The following WSCD2 variants were observed in gnomAD, a reference collection of about 807,000 sequenced individuals.
WSCD2 encodes the protein WSC domain sialate O sulfotransferase 2.
A neutral mutation model predicts 55.7 loss-of-function variants in WSCD2; 28 were observed. The observed-to-expected ratio is 0.50, with a 90% confidence interval of 0.37 to 0.69. The LOEUF (loss-of-function observed/expected upper bound fraction) is 0.69. WSCD2 is among the 30% of genes least tolerant of loss of function. The probability of loss-of-function intolerance (pLI) is 0.00; values close to 1 mark genes in which losing one functional copy is unlikely to be tolerated. For synonymous variants in WSCD2, 301 were observed against 301.9 expected (o/e 1.00, Z 0.03); for missense variants, 616 against 762.1 (o/e 0.81, Z 2.26).
chr12:108,204,756 T>G (rs1012373342), intron 2 of WSCD2, among the ~76,000 whole-genome samples: 1 of 152,094 alleles, frequency 6.6e-6, no homozygotes, highest in Non-Finnish European at 1.5e-5. Context: ...TCAAGACACA[T>G]CTCCAGCGGG....
In WSCD2 at chr12:108,195,650, G is replaced by T. The variant is rs571322134; in HGVS notation, c.-183G>T. On this transcript the variant is annotated 5_prime_UTR_variant, in exon 2 of 9. Transcript: ENST00000547525. Reference sequence around the variant, plus strand: ...CTGGTAAGCTCCATCCTTTCTCATGGCCTCAGCCAAGCATTGAACTTGCCC... The same window carrying T: ...CTGGTAAGCTCCATCCTTTCTCATGTCCTCAGCCAAGCATTGAACTTGCCC... 6.1e-6 allele frequency: 5 copies of T among 817,658 alleles called. No homozygotes were observed. The highest frequency in any genetic ancestry group is 3.0e-5 in the Admixed American group (1 of 32,986). 50.7% of individuals were successfully genotyped at this position (817,658 alleles called of 1,614,324 possible). A position where few individuals can be genotyped will look rare whatever the true frequency, so the allele number is the denominator to read the frequency against.
Position 108,195,708 on chromosome 12 carries a change from G to T in WSCD2, c.-125G>T. On this transcript the variant is annotated 5_prime_UTR_variant, in exon 2 of 9. Coordinates refer to ENST00000547525, the MANE Select transcript of WSCD2 (RefSeq NM_014653.4). ...CTGGCCTTGGTGATCACTTTTTCAG[G>T]AAGAGTGAGACTGAGGACCCCCAAG... 1 of 1,337,642 alleles carries T rather than the reference G, an allele frequency of 7.5e-7. No individual in the cohort carries two copies. The highest frequency in any genetic ancestry group is 1.5e-5 in the South Asian group (1 of 65,552). 82.9% of individuals were successfully genotyped at this position (1,337,642 alleles called of 1,614,324 possible).
At chr12:108,226,914 T>A in intron 5 of WSCD2, 76 bp from the exon 6 acceptor site, 1 of 1,489,154 alleles carries the variant, frequency 6.7e-7, no homozygotes, top group Non-Finnish European at 9.0e-7. Flanking sequence ...ATGCAAATCC[T>A]GTTCTCCATT....
chr12:108,223,413 T>A (rs750628160), intron 4 of WSCD2, among the ~76,000 whole-genome samples: 1 of 152,230 alleles, frequency 6.6e-6, no homozygotes, highest in Non-Finnish European at 1.5e-5. Flanking sequence ...CTTAAACACA[T>A]CTTCACCTGG....
intron 8 of WSCD2, among the ~76,000 whole-genome samples, chr12:108,244,845 T>A (rs542052009): frequency 5.3e-5 from 8 of 152,272 alleles, no homozygotes; most frequent in Non-Finnish European, 8.8e-5. Flanking sequence ...GCTCTATTTT[T>A]TCTTTTTAAA....
intron 2 of WSCD2, among the ~76,000 whole-genome samples, chr12:108,205,292 C>T (rs1437491048): frequency 1.3e-5 from 2 of 152,146 alleles, no homozygotes; most frequent in African/African-American, 4.8e-5. Context: ...TTCTCCGGGC[C>T]CTTTTCTCTT....
intron 2 of WSCD2, among the ~76,000 whole-genome samples, chr12:108,203,111 G>A (rs34487978): frequency 0.12 from 18,734 of 152,210 alleles, 1,465 homozygotes; most frequent in Non-Finnish European, 0.18. Flanking sequence ...GGGTGGACTC[G>A]GGCAAGTTGC....
intron 8 of WSCD2, among the ~76,000 whole-genome samples, chr12:108,246,900 G>A (rs549431238): frequency 5.9e-5 from 9 of 152,256 alleles, no homozygotes; most frequent in South Asian, 2.1e-4. Context: ...GGAGGCACCC[G>A]CCTGAGCCCA....
chr12:108,147,160 C>G (rs1877476270), intron 1 of WSCD2, among the ~76,000 whole-genome samples: 1 of 152,164 alleles, frequency 6.6e-6, no homozygotes, highest in South Asian at 2.1e-4. Flanking sequence ...GAGCAAGAAG[C>G]TCTGATGCCC....
At chr12:108,199,075 C>A (rs1479728191) in intron 2 of WSCD2, among the ~76,000 whole-genome samples, 4 of 152,164 alleles carry the variant, frequency 2.6e-5, no homozygotes, top group Admixed American at 2.0e-4. Flanking sequence ...GAACATAGCC[C>A]CAAGGCCAGG....
Position 108,232,868 on chromosome 12 carries a change from T to A in WSCD2, c.1117T>A (p.Tyr373Asn). The A allele has an allele frequency of 6.2e-7, 1 of 1,613,584 alleles. No individual in the cohort carries two copies. Among genetic ancestry groups the A allele is most frequent in the Non-Finnish European group, 8.5e-7 (1 of 1,179,592 alleles). The change falls in exon 7 of 9, where the codon TAC becomes AAC. Residue 373 changes from tyrosine to asparagine, a missense_variant. Physicochemically the swap from Tyr to Asn is moderately radical, Grantham distance 143. Transcript: ENST00000547525. ...LATGFYTGSY[Y>N]FDGSLYNKGF... ...CACAGGCTTCTACACTGGCAGCTAC[T>A]ACTTCGATGGCTCCCTCTACAACAA...
At chr12:108,134,903 G>A (rs1876013766) in intron 1 of WSCD2, among the ~76,000 whole-genome samples, 1 of 152,052 alleles carries the variant, frequency 6.6e-6, no homozygotes, top group Admixed American at 6.6e-5. Context: ...AGGCTTTCTG[G>A]GATTTGCACA....
At chr12:108,159,047 C>T (rs906413041) in intron 1 of WSCD2, among the ~76,000 whole-genome samples, 1 of 152,186 alleles carries the variant, frequency 6.6e-6, no homozygotes, top group Non-Finnish European at 1.5e-5. Context: ...TTCTGTGGCC[C>T]CTAGAATAAA....
intron 4 of WSCD2, among the ~76,000 whole-genome samples, chr12:108,219,197 C>T (rs1475503912): frequency 6.6e-6 from 1 of 152,140 alleles, no homozygotes; most frequent in Non-Finnish European, 1.5e-5. Flanking sequence ...GACTTGCCCT[C>T]CTAGAGGTTG....
At chr12:108,154,508 C>G (rs1225496862) in intron 1 of WSCD2, among the ~76,000 whole-genome samples, 1 of 152,188 alleles carries the variant, frequency 6.6e-6, no homozygotes, top group African/African-American at 2.4e-5. Context: ...ATAATCTCCC[C>G]TTCTTAAGAT....
intron 1 of WSCD2, among the ~76,000 whole-genome samples, chr12:108,143,745 C>T (rs960103359): frequency 6.6e-6 from 1 of 152,170 alleles, no homozygotes; most frequent in Non-Finnish European, 1.5e-5. Flanking sequence ...CTGAACATCC[C>T]ACTAAACCCT....
intron 6 of WSCD2, among the ~76,000 whole-genome samples, chr12:108,232,486 C>A (rs1317674856): frequency 6.6e-6 from 1 of 152,118 alleles, no homozygotes; most frequent in East Asian, 1.9e-4. Flanking sequence ...AAGCACTGTG[C>A]TTATCCCTTT....
intron 1 of WSCD2, among the ~76,000 whole-genome samples, chr12:108,137,288 C>T (rs970254512): frequency 8.5e-5 from 13 of 152,206 alleles, no homozygotes; most frequent in African/African-American, 3.1e-4. Flanking sequence ...ACCCTGGGAA[C>T]TCAACTCTCT....
chr12:108,178,171 T>G (rs949711874), intron 1 of WSCD2, among the ~76,000 whole-genome samples: 5 of 152,138 alleles, frequency 3.3e-5, no homozygotes, highest in Admixed American at 2.0e-4. Flanking sequence ...GAGGTGTGTG[T>G]GGGAAGAATT....
Sources: allele counts gnomAD v4.1 joint callset (sites outside exome capture counted in the v4.1 genomes callset), GRCh38; gene constraint gnomAD v4.1.1; transcripts MANE v1.5; gene names NCBI Gene and HGNC (gene_info 2026-07-23, HGNC 2026-07-21).